The following SPATA21 variants were observed in gnomAD, a reference collection of about 807,000 sequenced individuals.
SPATA21 encodes the protein spermatogenesis associated 21, also known as spermatogenesis-associated protein 21.
In SPATA21, 47 loss-of-function variants were observed where a neutral mutation model predicts 54.8. That is an observed-to-expected ratio of 0.86 (90% CI 0.68 to 1.09). The LOEUF is 1.09. Ranked by LOEUF, SPATA21 falls within the 50% of genes least tolerant of loss-of-function variation. SPATA21 has a pLI of 0.00. For synonymous variants in SPATA21, 245 were observed against 235.3 expected (o/e 1.04, Z -0.38); for missense variants, 599 against 596.4 (o/e 1.00, Z -0.05).
chr1:16,413,392 C>A (rs1485740819), intron 5 of SPATA21, among the ~76,000 whole-genome samples: 1 of 152,156 alleles, frequency 6.6e-6, no homozygotes, highest in Non-Finnish European at 1.5e-5. Flanking sequence ...TACGTACAGA[C>A]CACATTTGGC....
intron 3 of SPATA21, among the ~76,000 whole-genome samples, chr1:16,422,509 A>ATT (rs112533132): frequency 0.022 from 3,182 of 142,850 alleles, 98 homozygotes; most frequent in African/African-American, 0.068. Context: ...GTGTGTGTGT[A>ATT]TTTTTTTTTT....
chr1:16,398,368 A>G (rs1570068022), downstream of SPATA21, among the ~76,000 whole-genome samples: 2 of 151,830 alleles, frequency 1.3e-5, no homozygotes, highest in African/African-American at 4.8e-5. Context: ...TGCAGAGGCC[A>G]CCTCCTGCTC....
At chr1:16,434,040 TAA>T (rs1188040503) in intron 1 of SPATA21, among the ~76,000 whole-genome samples, 1 of 149,418 alleles carries the variant, frequency 6.7e-6, no homozygotes, top group Non-Finnish European at 1.5e-5. Context: ...AGGTAACCAC[TAA>T]TCTACTTTCT....
intron 3 of SPATA21, among the ~76,000 whole-genome samples, chr1:16,426,522 G>C (rs866920667): frequency 2.1e-4 from 31 of 146,302 alleles, no homozygotes; most frequent in Admixed American, 9.7e-4. Context: ...ACTTCCCAAA[G>C]TGTTGAGATT....
rs370834345 is a variant in SPATA21, at chr1:16,404,956, C to G, written c.811+11G>C. 1.3e-6 allele frequency: 2 copies of G among 1,561,088 alleles called. No individual in the cohort carries two copies. Among genetic ancestry groups the G allele is most frequent in the African/African-American group, 2.8e-5 (2 of 71,902 alleles). ...TGCCTGGGATGCAGAGTGGAGCCCT[C>G]TGCCACTCACCATTGACATCAGCAC... is the stretch of plus-strand genomic sequence containing the variant. On this transcript the variant is annotated intron_variant, in intron 8 of 12. Transcript: ENST00000335496.
rs1387275460 is a variant in SPATA21, at chr1:16,421,339, AC to A, written c.144+169del. Among the ~76,000 whole-genome samples, 2 of 151,946 alleles carry A rather than the reference AC, an allele frequency of 1.3e-5. No homozygotes were observed. Among genetic ancestry groups the A allele is most frequent in the African/African-American group, 4.8e-5 (2 of 41,314 alleles). ...CACACAGGCACAGGCACACACACAC[AC>A]GTGTGCACATCCATGTGCACTTTAA... On this transcript the variant is annotated intron_variant, in intron 5 of 12. Coordinates refer to ENST00000335496, the MANE Select transcript of SPATA21 (RefSeq NM_198546.1). The surrounding 1 kb of genome is among the most constrained non-coding windows in gnomAD (Gnocchi z 5.2).
At chr1:16,436,215 C>T (rs1468072816) in intron 1 of SPATA21, among the ~76,000 whole-genome samples, 2 of 151,804 alleles carry the variant, frequency 1.3e-5, no homozygotes, top group East Asian at 1.9e-4. Context: ...GGAGAAACCC[C>T]GTCTCTACTA....
chr1:16,400,773 ACTT>A lies in SPATA21; in HGVS notation c.1118_1120del (p.Glu373del). Reference sequence around the variant, plus strand: ...GATACTGAGGACCTTTCGTTCTGGAACTTCTGAGCTCTCTTCTTGCTGGGGGTT... The same window carrying A: ...GATACTGAGGACCTTTCGTTCTGGAACTGAGCTCTCTTCTTGCTGGGGGTT... On this transcript the variant is annotated inframe_deletion, in exon 11 of 13. Coordinates refer to ENST00000335496, the MANE Select transcript of SPATA21 (RefSeq NM_198546.1). 6.2e-7 allele frequency: 1 copy of A among 1,614,050 alleles called. No individual in the cohort carries two copies. Among genetic ancestry groups the A allele is most frequent in the East Asian group, 2.2e-5 (1 of 44,872 alleles).
At chr1:16,417,319 C>T (rs1205605159) in intron 5 of SPATA21, among the ~76,000 whole-genome samples, 3 of 152,064 alleles carry the variant, frequency 2.0e-5, no homozygotes, top group African/African-American at 7.2e-5. Flanking sequence ...AGTGCAATGG[C>T]AAGATCTTGG....
chr1:16,404,895 G>A (rs1381166837), intron 8 of SPATA21, 72 bp downstream of exon 8: 4 of 1,456,798 alleles, frequency 2.7e-6, no homozygotes, highest in Non-Finnish European at 3.6e-6. Flanking sequence ...AGAGCCTCAT[G>A]CAACTGCACA....
intron 7 of SPATA21, among the ~76,000 whole-genome samples, chr1:16,406,908 T>C (rs1367608611): frequency 3.3e-5 from 5 of 152,172 alleles, no homozygotes; most frequent in African/African-American, 4.8e-5. Context: ...ATCTTGGACT[T>C]CCAGCCTGTG....
At chr1:16,404,065 G>C in intron 8 of SPATA21, 26 bp from the exon 9 acceptor site, 1 of 1,549,820 alleles carries the variant, frequency 6.5e-7, no homozygotes, top group Non-Finnish European at 8.7e-7. Context: ...GAGTAGGGTG[G>C]GCAGGGACCT....
At chr1:16,408,823 TC>T (rs1393870217) in intron 7 of SPATA21, 3 of 246,562 alleles carry the variant, frequency 1.2e-5, no homozygotes, top group African/African-American at 7.3e-5. Context: ...TGAGCTGAGA[TC>T]GCACCACTGC....
chr1:16,426,614 C>G (rs1187037870), intron 3 of SPATA21, among the ~76,000 whole-genome samples: 1 of 118,028 alleles, frequency 8.5e-6, no homozygotes, highest in Non-Finnish European at 1.7e-5. Flanking sequence ...GAATTTTGCT[C>G]TTGTTGCCCA....
intron 3 of SPATA21, among the ~76,000 whole-genome samples, chr1:16,430,024 C>T (rs750906620): frequency 4.1e-4 from 59 of 143,372 alleles, no homozygotes; most frequent in Admixed American, 1.8e-3. Context: ...AAAAATTAGA[C>T]GGAAATCATT....
At chr1:16,431,144 G>A in intron 3 of SPATA21, 194 bp downstream of exon 3, 1 of 1,340,482 alleles carries the variant, frequency 7.5e-7, no homozygotes, top group Non-Finnish European at 1.0e-6. Context: ...ATTTTTAACA[G>A]AGTCTTAATT....
At chr1:16,404,526 T>C (rs1198711641) in intron 8 of SPATA21, among the ~76,000 whole-genome samples, 1 of 151,882 alleles carries the variant, frequency 6.6e-6, no homozygotes, top group East Asian at 1.9e-4. Context: ...TTGTTAAGAA[T>C]TTCTATGATG....
Position 16,399,366 on chromosome 1 carries a change from G to A in SPATA21, c.1330C>T (p.Gln444Ter). ...CACCTGTTTCCTTGAGATCCTGACT[G>A]GAAGAAGGGGCTGCGGATGTCAGGA... Reference protein sequence around the residue: ...LDPDIRSPFFQSGSQGNREHN... With the variant: ...LDPDIRSPFF The change falls in exon 12 of 13, where the codon CAG (glutamine) becomes TAG (stop). Residue 444 changes from glutamine (Q) to a stop codon, truncating the protein, a stop_gained. Coordinates refer to ENST00000335496, the MANE Select transcript of SPATA21 (RefSeq NM_198546.1). LOFTEE classifies it high-confidence loss of function. 1 of 1,613,502 alleles carries A rather than the reference G, an allele frequency of 6.2e-7. No individual in the cohort carries two copies. Among genetic ancestry groups the A allele is most frequent in the Non-Finnish European group, 8.5e-7 (1 of 1,179,712 alleles).
Position 16,400,893 on chromosome 1 carries a change from C to CT in SPATA21, c.1002-2dup. The CT allele has an allele frequency of 6.2e-7, 1 of 1,611,494 alleles. No homozygotes were observed. Among genetic ancestry groups the CT allele is most frequent in the South Asian group, 1.1e-5 (1 of 90,936 alleles). On this transcript the variant is annotated splice_acceptor_variant, in intron 10 of 12. Transcript: ENST00000335496. LOFTEE classifies it high-confidence loss of function. ...TTCCTTCAGCTTTTTCTGGTAGTAG[C>CT]TGGGGAGGCAGTGCCCACCCATCTC...
Sources: allele counts gnomAD v4.1 joint callset (sites outside exome capture counted in the v4.1 genomes callset), GRCh38; gene constraint gnomAD v4.1.1; non-coding constraint Gnocchi (gnomAD v3.1); transcripts MANE v1.5; gene names NCBI Gene and HGNC (gene_info 2026-07-23, HGNC 2026-07-21).